SMOC1: variants seen among roughly 807,000 people sequenced by gnomAD.
SMOC1 encodes SPARC-related modular calcium-binding protein 1.
In SMOC1, 22 loss-of-function variants were observed where a neutral mutation model predicts 56.3. The ratio of observed to expected loss-of-function variants is 0.39; its 90% CI spans 0.28 to 0.56. The LOEUF (loss-of-function observed/expected upper bound fraction) is 0.56. Among genes scored for constraint, SMOC1 ranks in the 20% least tolerant of loss-of-function variants. The pLI, the probability that SMOC1 is intolerant of heterozygous loss-of-function variation, is 0.61. For synonymous variants in SMOC1, 193 were observed against 215.0 expected, an observed-to-expected ratio of 0.90 and a Z score of 0.89; for missense variants, 509 against 565.4, an observed-to-expected ratio of 0.90 and a Z score of 1.01.
At chr14:69,937,494 T>C (rs953139664) in intron 1 of SMOC1, among the ~76,000 whole-genome samples, 1 of 152,162 alleles carries the variant, frequency 6.6e-6, no homozygotes, top group Non-Finnish European at 1.5e-5. Flanking sequence ...GAATTTGACA[T>C]GGTTTTATTT....
chr14:69,999,823 C>T (rs1041667809), intron 7 of SMOC1, among the ~76,000 whole-genome samples: 3 of 152,122 alleles, frequency 2.0e-5, no homozygotes, highest in Admixed American at 6.5e-5. Flanking sequence ...ATTAGCTTTC[C>T]TGGTCGCCTT....
intron 7 of SMOC1, among the ~76,000 whole-genome samples, chr14:69,995,331 T>A (rs193208281): frequency 3.3e-5 from 5 of 152,374 alleles, no homozygotes; most frequent in Admixed American, 1.3e-4. Flanking sequence ...TCTGTCCTAA[T>A]GGTGGCGATG....
chr14:70,011,593 C>G, intron 9 of SMOC1, 26 bp downstream of exon 9: 1 of 1,599,992 alleles, frequency 6.3e-7, no homozygotes, highest in South Asian at 1.1e-5. Flanking sequence ...GCCCTGCCGG[C>G]GCCATCACCT....
At chr14:70,026,116 GA>G (rs1187589106) in intron 11 of SMOC1, among the ~76,000 whole-genome samples, 1 of 152,216 alleles carries the variant, frequency 6.6e-6, no homozygotes, top group Admixed American at 6.5e-5. Context: ...ATAAGTGAAG[GA>G]ATGAATGGAT....
intron 7 of SMOC1, among the ~76,000 whole-genome samples, chr14:69,999,094 G>A (rs1438005200): frequency 2.0e-5 from 3 of 152,212 alleles, no homozygotes; most frequent in Admixed American, 6.5e-5. Flanking sequence ...TACCATGAAA[G>A]TGACACCCTG....
chr14:70,019,932 G>A (rs1037803), intron 10 of SMOC1, among the ~76,000 whole-genome samples: 5,056 of 152,250 alleles, frequency 0.033, 270 homozygotes, highest in African/African-American at 0.12. Flanking sequence ...TGTGACTTAA[G>A]GCTGTTGCCA....
chr14:69,954,951 A>T (rs182497702), intron 3 of SMOC1, among the ~76,000 whole-genome samples: 1 of 152,254 alleles, frequency 6.6e-6, no homozygotes, highest in Admixed American at 6.5e-5. Flanking sequence ...GAGGAGGTTG[A>T]GGATTGGATA....
intron 7 of SMOC1, among the ~76,000 whole-genome samples, chr14:69,996,134 C>T (rs1018811964): frequency 2.6e-5 from 4 of 152,166 alleles, no homozygotes; most frequent in Admixed American, 1.3e-4. Flanking sequence ...TGGCCCTTAA[C>T]AATTGTTTCC....
chr14:69,971,295 G>T (rs1191546393), intron 3 of SMOC1, among the ~76,000 whole-genome samples: 1 of 152,200 alleles, frequency 6.6e-6, no homozygotes, highest in Admixed American at 6.5e-5. Context: ...TGGAATTACA[G>T]GCATGAGCCA....
rs866873997 is a variant in SMOC1 at position 69,946,536 on chromosome 14, A to G, written c.100-5602A>G. On this transcript the variant is annotated intron_variant, in intron 1 of 11. Coordinates refer to ENST00000361956, the MANE Select transcript of SMOC1 (RefSeq NM_001034852.3). ...TTTGGTTAGGAAGAAGGAAAGGAAT[A>G]TAAGTGAAGATTTCTGTAAAACTGC... Among the ~76,000 whole-genome samples the G allele has an allele frequency of 5.3e-5, 8 of 152,210 alleles. No homozygotes were observed. The South Asian group carries it at 1.2e-3, about 24-fold the overall frequency.
intron 5 of SMOC1, among the ~76,000 whole-genome samples, chr14:69,987,902 C>A (rs1332313549): frequency 2.6e-5 from 4 of 152,204 alleles, no homozygotes; most frequent in Non-Finnish European, 4.4e-5. Context: ...GGGGCTGCAA[C>A]TTTCTGGGGC....
At chr14:69,909,276 T>C (rs1025558505) in intron 1 of SMOC1, among the ~76,000 whole-genome samples, 2 of 152,258 alleles carry the variant, frequency 1.3e-5, no homozygotes, top group Non-Finnish European at 2.9e-5. Context: ...ATATTCACTC[T>C]ATATGCTTTG....
chr14:69,975,213 C>G (rs549922650), intron 3 of SMOC1, among the ~76,000 whole-genome samples: 1 of 152,168 alleles, frequency 6.6e-6, no homozygotes, highest in South Asian at 2.1e-4. Flanking sequence ...TGTGGTGGTG[C>G]ATGCTTGTAA....
At chr14:69,999,463 G>T (rs958667306) in intron 7 of SMOC1, among the ~76,000 whole-genome samples, 5 of 152,196 alleles carry the variant, frequency 3.3e-5, no homozygotes, top group African/African-American at 1.2e-4. Context: ...CTGGAATCTC[G>T]CACATGACGT....
chr14:69,986,788 G>A (rs886086852), intron 5 of SMOC1, among the ~76,000 whole-genome samples: 5 of 152,154 alleles, frequency 3.3e-5, no homozygotes, highest in Non-Finnish European at 7.4e-5. Flanking sequence ...CTGCAAAAAG[G>A]CAGCTTTCAG....
At chr14:70,000,634 C>A (rs1312469792) in intron 7 of SMOC1, among the ~76,000 whole-genome samples, 1 of 152,188 alleles carries the variant, frequency 6.6e-6, no homozygotes, top group Non-Finnish European at 1.5e-5. Flanking sequence ...TATATTGGGA[C>A]AATCCATCCT....
chr14:69,989,576 C>G (rs188087096), intron 5 of SMOC1, among the ~76,000 whole-genome samples: 10 of 152,228 alleles, frequency 6.6e-5, no homozygotes, highest in Admixed American at 4.6e-4. Context: ...ATTTTGTAGG[C>G]AGGTATCCTT....
intron 1 of SMOC1, among the ~76,000 whole-genome samples, chr14:69,903,811 T>G (rs1369334519): frequency 1.3e-5 from 2 of 151,860 alleles, no homozygotes; most frequent in East Asian, 3.9e-4. Flanking sequence ...AGACCTTTGT[T>G]CACTTGTTTA....
At chr14:70,011,464 C>A (rs200832367) in intron 8 of SMOC1, 21 bp from the exon 9 acceptor site, 6 of 1,584,730 alleles carry the variant, frequency 3.8e-6, no homozygotes, top group Admixed American at 1.7e-5. Flanking sequence ...CCCAACCCCC[C>A]CCATATCTCT....
Sources: gnomAD v4.1 joint callset for allele counts (sites outside exome capture counted in the v4.1 genomes callset) on GRCh38, gnomAD v4.1.1 for gene constraint, MANE v1.5 for transcripts, NCBI Gene and HGNC (gene_info 2026-07-23, HGNC 2026-07-21) for gene names.